The following PHGDH variants were observed in gnomAD, a reference collection of about 807,000 sequenced individuals.
PHGDH encodes the protein D-3-phosphoglycerate dehydrogenase.
In PHGDH, 50 loss-of-function variants were observed where a neutral mutation model predicts 52.6. The observed-to-expected ratio is 0.95, with a 90% CI of 0.76 to 1.20. PHGDH has a LOEUF of 1.20. Among genes scored for constraint, PHGDH ranks in the 50% most tolerant of loss-of-function variants. The pLI, the probability that PHGDH is intolerant of heterozygous loss-of-function variation, is 0.00. For synonymous variants in PHGDH, 271 were observed against 280.5 expected (o/e 0.97, Z 0.34); for missense variants, 630 against 684.6 (o/e 0.92, Z 0.89).
intron 11 of PHGDH, 63 bp downstream of exon 11, chr1:119,743,107 T>C (rs925224232): frequency 9.7e-6 from 10 of 1,036,234 alleles, no homozygotes; most frequent in African/African-American, 1.6e-5. Context: ...TGCCCTGGAA[T>C]TGAACTCTAC....
chr1:119,736,625 T>C (rs1244881795), intron 7 of PHGDH, among the ~76,000 whole-genome samples: 1 of 152,146 alleles, frequency 6.6e-6, no homozygotes, highest in East Asian at 1.9e-4. Context: ...TGGAGTGTCT[T>C]GGAAGAGCAG....
At chr1:119,726,299 G>A (rs1029871202) in intron 3 of PHGDH, among the ~76,000 whole-genome samples, 37 of 151,978 alleles carry the variant, frequency 2.4e-4, no homozygotes, top group African/African-American at 8.9e-4. Context: ...CAGAATGGAA[G>A]TGTCTGGGCT....
intron 11 of PHGDH, 36 bp from the exon 12 acceptor site, chr1:119,743,850 T>C (rs1249960620): frequency 3.2e-6 from 5 of 1,577,120 alleles, no homozygotes; most frequent in Non-Finnish European, 3.5e-6. Context: ...TTTTCCCCTA[T>C]CCCCTGTGCC....
At chr1:119,734,877 T>A (rs1335922445) in intron 6 of PHGDH, 111 bp downstream of exon 6, 1 of 1,171,142 alleles carries the variant, frequency 8.5e-7, no homozygotes, top group East Asian at 2.3e-5. Context: ...TGGGGAGAGG[T>A]CCACCTGGGT....
chr1:119,737,603 C>T (rs1403109645), intron 8 of PHGDH, among the ~76,000 whole-genome samples: 3 of 152,126 alleles, frequency 2.0e-5, no homozygotes, highest in African/African-American at 7.2e-5. Flanking sequence ...GCTTGGGTGC[C>T]AGCTGGACGC....
intron 6 of PHGDH, 93 bp downstream of exon 6, chr1:119,734,859 A>G: frequency 7.1e-7 from 1 of 1,408,896 alleles, no homozygotes; most frequent in Admixed American, 1.7e-5. Flanking sequence ...GACAGTGGTA[A>G]CCAGCTGTGG....
chr1:119,722,529 C>T (rs1490949024), intron 2 of PHGDH, among the ~76,000 whole-genome samples: 1 of 152,026 alleles, frequency 6.6e-6, no homozygotes, highest in Non-Finnish European at 1.5e-5. Flanking sequence ...GAGGCTTTCT[C>T]AGTTCAGAAC....
intron 9 of PHGDH, 109 bp downstream of exon 9, chr1:119,740,627 G>A (rs1321333788): frequency 1.1e-6 from 1 of 898,168 alleles, no homozygotes; most frequent in East Asian, 2.7e-5. Flanking sequence ...GAGGCAGTGA[G>A]GGTGCCTTGG....
In PHGDH at chr1:119,734,678, C is replaced by T. The variant is rs1484089549; in HGVS notation, c.555C>T (p.Ser185=). ...TCATTTCCCCAGAGGTCTCGGCCTC[C>T]TTTGGTGTTCAGCAGCTGCCCCTGG... is the stretch of plus-strand genomic sequence containing the variant. ...DPIISPEVSA[S]FGVQQLPLEE... Residue 185 remains serine (S), a synonymous_variant, in exon 6 of 12, where the codon TCC becomes TCT. Transcript: ENST00000641023. 3 of 1,614,036 alleles carry T rather than the reference C, an allele frequency of 1.9e-6. No homozygotes were observed. Among genetic ancestry groups the T allele is most frequent in the South Asian group, 1.1e-5 (1 of 91,090 alleles).
At chr1:119,727,971 T>C (rs1410517644) in intron 5 of PHGDH, among the ~76,000 whole-genome samples, 1 of 152,212 alleles carries the variant, frequency 6.6e-6, no homozygotes, top group Non-Finnish European at 1.5e-5. Context: ...TGGGTGGTCC[T>C]CTGGGTGCAC....
chr1:119,717,261 A>AAAAAAAAAAAT (rs1650977084), intron 1 of PHGDH, among the ~76,000 whole-genome samples: 1 of 149,378 alleles, frequency 6.7e-6, no homozygotes, highest in Non-Finnish European at 1.5e-5. Flanking sequence ...AAAAAAAAAA[A>AAAAAAAAAAAT]GTTGATTTGT....
intron 5 of PHGDH, among the ~76,000 whole-genome samples, chr1:119,730,343 A>C (rs1651636676): frequency 6.6e-6 from 1 of 152,228 alleles, no homozygotes; most frequent in Non-Finnish European, 1.5e-5. Context: ...TACCCGGACT[A>C]TTTAAAGTTA....
intron 5 of PHGDH, 82 bp from the exon 6 acceptor site, chr1:119,734,552 C>CA (rs1353400422): frequency 1.4e-6 from 2 of 1,389,320 alleles, no homozygotes; most frequent in East Asian, 4.6e-5. Context: ...GGTAAATGCT[C>CA]AAAAAATGTT....
At chr1:119,725,035 C>T (rs2101165504) in intron 3 of PHGDH, 1 of 456,160 alleles carries the variant, frequency 2.2e-6, no homozygotes, top group Non-Finnish European at 4.4e-6. Context: ...GGCTGGGCCT[C>T]ACAGTAGGGA....
At chr1:119,726,217 TG>T (rs1339843042) in intron 3 of PHGDH, among the ~76,000 whole-genome samples, 1 of 150,830 alleles carries the variant, frequency 6.6e-6, no homozygotes, top group African/African-American at 2.5e-5. Flanking sequence ...TGTGTGTGTG[TG>T]TGTGTGTTGG....
chr1:119,738,737 C>G (rs1652055796), intron 8 of PHGDH, among the ~76,000 whole-genome samples: 1 of 149,616 alleles, frequency 6.7e-6, no homozygotes, highest in Non-Finnish European at 1.5e-5. Context: ...AGAGCTTTTC[C>G]TGAAAGGGAC....
intron 8 of PHGDH, 127 bp downstream of exon 8, chr1:119,737,393 C>T: frequency 1.2e-6 from 1 of 823,298 alleles, no homozygotes; most frequent in Non-Finnish European, 1.9e-6. Context: ...TAAGGGAAAT[C>T]TGCTTGAGTC....
chr1:119,733,457 C>T (rs1273594780), intron 5 of PHGDH, among the ~76,000 whole-genome samples: 3 of 151,092 alleles, frequency 2.0e-5, no homozygotes, highest in East Asian at 1.9e-4. Context: ...CCTCCTGCCT[C>T]AGCCTTCTGG....
At position 119,737,257 on chromosome 1, in the gene PHGDH, C is replaced by CA; in HGVS notation, c.937dup (p.Thr313AsnfsTer82). ...TGGACATGGTGAAGGGGAAATCTCTCACGGGGGTTGTAAGTATCACCACCT... is the reference window on the plus strand; with the variant it reads ...TGGACATGGTGAAGGGGAAATCTCTCAACGGGGGTTGTAAGTATCACCACCT... On this transcript the variant is annotated frameshift_variant, in exon 8 of 12. Coordinates refer to ENST00000641023, the MANE Select transcript of PHGDH (RefSeq NM_006623.4). LOFTEE classifies it high-confidence loss of function. 1 of 1,613,436 alleles carries CA rather than the reference C, an allele frequency of 6.2e-7. No homozygotes were observed. Among genetic ancestry groups the CA allele is most frequent in the Non-Finnish European group, 8.5e-7 (1 of 1,179,406 alleles).
Sources: allele counts gnomAD v4.1 joint callset (sites outside exome capture counted in the v4.1 genomes callset), GRCh38; gene constraint gnomAD v4.1.1; transcripts MANE v1.5; gene names NCBI Gene and HGNC (gene_info 2026-07-23, HGNC 2026-07-21).